The following CROT variants were observed in gnomAD, a reference collection of about 807,000 sequenced individuals.
The protein encoded by CROT is carnitine O-octanoyltransferase.
CROT carries 84 observed loss-of-function variants against 89.2 expected under a neutral mutation model. The observed-to-expected ratio is 0.94, with a 90% CI of 0.79 to 1.13. The LOEUF is 1.13. Among genes scored for constraint, CROT ranks in the 50% most tolerant of loss-of-function variants. The pLI is 0.00. For missense variants in CROT, 711 were observed against 727.8 expected (o/e 0.98, Z 0.27); for synonymous variants, 212 against 239.5 (o/e 0.89, Z 1.06).
intron 13 of CROT, among the ~76,000 whole-genome samples, chr7:87,391,062 G>A (rs1279972908): frequency 6.6e-6 from 1 of 152,210 alleles, no homozygotes; most frequent in Non-Finnish European, 1.5e-5. Context: ...TCACCCACGG[G>A]AACTAGTAGC....
At chr7:87,348,107 AAAT>A (rs1805749082) in intron 2 of CROT, among the ~76,000 whole-genome samples, 2 of 152,200 alleles carry the variant, frequency 1.3e-5, no homozygotes. Flanking sequence ...CAGTTTTAAA[AAAT>A]AGTTTTTGAG....
chr7:87,356,271 T>C (rs986885936), intron 3 of CROT, among the ~76,000 whole-genome samples: 2 of 152,248 alleles, frequency 1.3e-5, no homozygotes, highest in Non-Finnish European at 2.9e-5. Context: ...CAGTGAGTCA[T>C]GCCAGGAAAG....
chr7:87,368,400 G>T (rs73394164), intron 6 of CROT, among the ~76,000 whole-genome samples: 1 of 152,100 alleles, frequency 6.6e-6, no homozygotes, highest in African/African-American at 2.4e-5. Flanking sequence ...AGTGGTGGTC[G>T]TAGAGGTAAA....
chr7:87,382,156 A>G lies in CROT; in HGVS notation c.1145A>G (p.Gln382Arg), dbSNP rs1227570321. ...GAGAAAGTTTTAAATGACATCAACC[A>G]AGCTAAAGCCCAGTATCTCAGGGAG... ...VDEKVLNDIN[Q>R]AKAQYLREAS... The change falls in exon 12 of 18, where the codon CAA becomes CGA. Residue 382 changes from glutamine to arginine, a missense_variant. Gln to Arg is a conservative substitution (Grantham distance 43, BLOSUM62 1). Coordinates refer to ENST00000331536, the MANE Select transcript of CROT (RefSeq NM_021151.4). 6.2e-7 allele frequency: 1 copy of G among 1,612,658 alleles called. No individual in the cohort carries two copies. Among genetic ancestry groups the G allele is most frequent in the South Asian group, 1.1e-5 (1 of 91,000 alleles).
chr7:87,373,996 A>G (rs1451842644), intron 7 of CROT, among the ~76,000 whole-genome samples: 1 of 152,152 alleles, frequency 6.6e-6, no homozygotes, highest in Non-Finnish European at 1.5e-5. Context: ...TTAATGGGAC[A>G]TTATTGGTGA....
Position 87,369,545 on chromosome 7 carries a change from A to G in CROT, c.656+61A>G, listed in dbSNP as rs1366018386. 4.7e-6 allele frequency: 5 copies of G among 1,070,780 alleles called. No homozygotes were observed. The Admixed American group carries it at 8.7e-5, about 19-fold the overall frequency. The allele number at this position is 1,070,780 out of a possible 1,614,324, so 66.3% of individuals were successfully genotyped here. ...TATGGTGTTGCTTGAATTAAAATATACATGTTTAGAATTGCCTTTCAAGGT... is the reference window on the plus strand; with the variant it reads ...TATGGTGTTGCTTGAATTAAAATATGCATGTTTAGAATTGCCTTTCAAGGT... On this transcript the variant is annotated intron_variant, in intron 7 of 17. Transcript: ENST00000331536.
intron 6 of CROT, among the ~76,000 whole-genome samples, chr7:87,368,635 C>G (rs1423131646): frequency 1.3e-5 from 2 of 152,204 alleles, no homozygotes; most frequent in African/African-American, 4.8e-5. Flanking sequence ...ATACCCACCA[C>G]TATATTTCCT....
At position 87,375,900 on chromosome 7, in the gene CROT, G is replaced by A. The variant is rs1235499777; in HGVS notation, c.823G>A (p.Val275Ile). ...AGAAAAAATTCAGAGTAGTTTACTG[G>A]TATATTCCATGGAGGATAGCAGTCC... Reference protein sequence around the residue: ...LLEKIQSSLLVYSMEDSSPHV... With the variant: ...LLEKIQSSLLIYSMEDSSPHV... Residue 275 changes from valine to isoleucine, a missense_variant, in exon 9 of 18, where the codon GTA (valine) becomes ATA (isoleucine). Val to Ile is a conservative substitution (Grantham distance 29). Transcript: ENST00000331536. 4 of 1,612,686 alleles carry A rather than the reference G, an allele frequency of 2.5e-6. No individual in the cohort carries two copies. The highest frequency in any genetic ancestry group is 2.5e-6 in the Non-Finnish European group (3 of 1,178,910).
intron 6 of CROT, among the ~76,000 whole-genome samples, chr7:87,368,484 A>C (rs1806521792): frequency 6.6e-6 from 1 of 152,186 alleles, no homozygotes; most frequent in African/African-American, 2.4e-5. Context: ...AGGAAAACAC[A>C]TATCTCATCC....
chr7:87,357,842 A>G (rs1425543627), intron 3 of CROT, among the ~76,000 whole-genome samples: 2 of 152,216 alleles, frequency 1.3e-5, no homozygotes, highest in African/African-American at 4.8e-5. Context: ...AATACATCCA[A>G]ACATAACTGT....
At chr7:87,390,505 A>G (rs1336854215) in intron 13 of CROT, among the ~76,000 whole-genome samples, 3 of 152,156 alleles carry the variant, frequency 2.0e-5, no homozygotes. Flanking sequence ...AAGGGATACC[A>G]TTTCACTCCA....
At chr7:87,383,193 C>T (rs1026802487) in intron 13 of CROT, among the ~76,000 whole-genome samples, 4 of 152,100 alleles carry the variant, frequency 2.6e-5, no homozygotes, top group Admixed American at 6.6e-5. Flanking sequence ...ACTGTGCTAT[C>T]GAACACTAGA....
At chr7:87,346,629 T>C (rs187093417) in intron 2 of CROT, among the ~76,000 whole-genome samples, 199 bp downstream of exon 2, 64 of 152,358 alleles carry the variant, frequency 4.2e-4, no homozygotes, top group Admixed American at 2.8e-3. Flanking sequence ...CAATAATTTA[T>C]ATTTTTAATG....
rs944758597 is a variant in CROT at position 87,391,535 on chromosome 7, T to C, written c.1302-54T>C. 4.6e-6 allele frequency: 7 copies of C among 1,524,036 alleles called. No homozygotes were observed. The South Asian group carries it at 7.5e-5, about 16-fold the overall frequency. 94.4% of individuals were successfully genotyped at this position (1,524,036 alleles called of 1,614,324 possible). A position where few individuals can be genotyped will look rare whatever the true frequency, so the allele number is the denominator to read the frequency against. The stretch of plus-strand genomic sequence containing the variant: ...CTTTATTAGGCAACTATATCTGTAA[T>C]GATATTAGAGCATTTTCTTTCTTAT... On this transcript the variant is annotated intron_variant, in intron 13 of 17. Coordinates refer to ENST00000331536, the MANE Select transcript of CROT (RefSeq NM_021151.4).
At chr7:87,369,598 A>G (rs1806561169) in intron 7 of CROT, 114 bp downstream of exon 7, 2 of 465,242 alleles carry the variant, frequency 4.3e-6, no homozygotes, top group East Asian at 3.5e-5. Context: ...TAAGAATTTT[A>G]TGCATGCTTT....
intron 3 of CROT, 124 bp downstream of exon 3, chr7:87,349,307 C>G (rs1805797112): frequency 1.1e-5 from 5 of 469,956 alleles, no homozygotes; most frequent in African/African-American, 2.0e-5. Context: ...GGATCTCTTG[C>G]AGGAAGGAAT....
At chr7:87,359,539 G>A in intron 4 of CROT, 38 of 1,310,916 alleles carry the variant, frequency 2.9e-5, no homozygotes, top group Non-Finnish European at 3.6e-5. Context: ...GCTGGGATAA[G>A]TGATTCTGAT....
chr7:87,365,231 G>A (rs1001954121), intron 6 of CROT, among the ~76,000 whole-genome samples: 2 of 152,200 alleles, frequency 1.3e-5, no homozygotes, highest in Non-Finnish European at 2.9e-5. Context: ...GCTCATGCCT[G>A]TAATCCCAGC....
chr7:87,389,503 C>A (rs1473549023), intron 13 of CROT, among the ~76,000 whole-genome samples: 1 of 152,066 alleles, frequency 6.6e-6, no homozygotes, highest in East Asian at 1.9e-4. Flanking sequence ...AACCATCATT[C>A]TCAACAAACT....
Sources: allele counts gnomAD v4.1 joint callset (sites outside exome capture counted in the v4.1 genomes callset), GRCh38; gene constraint gnomAD v4.1.1; transcripts MANE v1.5; gene names NCBI Gene and HGNC (gene_info 2026-07-23, HGNC 2026-07-21).